The following RSPO2 variants were observed in gnomAD, a reference collection of about 807,000 sequenced individuals.
The protein encoded by RSPO2 is R-spondin-2.
In RSPO2, 14 loss-of-function variants were observed where a neutral mutation model predicts 30.9. That is an observed-to-expected ratio of 0.45 (90% CI 0.30 to 0.71). The LOEUF (loss-of-function observed/expected upper bound fraction) is 0.71, where lower values mean the gene tolerates loss of function less well. Ranked by LOEUF, RSPO2 falls within the 30% of genes least tolerant of loss-of-function variation. RSPO2 has a pLI of 0.08. For missense variants in RSPO2, 264 were observed against 301.9 expected, an observed-to-expected ratio of 0.87 and a Z score of 0.93; for synonymous variants, 107 against 96.4, an observed-to-expected ratio of 1.11 and a Z score of -0.64.
At chr8:108,060,251 G>C (rs1334402188) in intron 2 of RSPO2, among the ~76,000 whole-genome samples, 1 of 151,804 alleles carries the variant, frequency 6.6e-6, no homozygotes, top group Admixed American at 6.6e-5. Flanking sequence ...AAAGGAGGAA[G>C]TTCGAACCCA....
chr8:108,080,247 C>T (rs1238514524), intron 2 of RSPO2, among the ~76,000 whole-genome samples: 2 of 152,172 alleles, frequency 1.3e-5, no homozygotes, highest in East Asian at 3.8e-4. Flanking sequence ...ACAGTACACC[C>T]TTTGTTGGTA....
intron 2 of RSPO2, among the ~76,000 whole-genome samples, chr8:108,027,396 C>A (rs1811257886): frequency 6.6e-6 from 1 of 152,140 alleles, no homozygotes; most frequent in Non-Finnish European, 1.5e-5. Context: ...ATAAGATTTA[C>A]CCAGTGGGCT....
In RSPO2 at chr8:107,998,876, T is replaced by C. The variant is rs549603344; in HGVS notation, c.95-9632A>G. On this transcript the variant is annotated intron_variant, in intron 2 of 5. Transcript: ENST00000276659. Reference sequence around the variant, plus strand: ...CAGCCTGGCTAACATGGTGAAACCCTGTCTCTACTAAAAATACAAAATTAG... The same window carrying C: ...CAGCCTGGCTAACATGGTGAAACCCCGTCTCTACTAAAAATACAAAATTAG... Among the ~76,000 whole-genome samples the C allele has an allele frequency of 1.1e-4, 16 of 152,126 alleles. 1 individual carries two copies. The highest frequency in any genetic ancestry group is 3.3e-4 in the Admixed American group (5 of 15,288).
chr8:108,017,171 C>A (rs1563565428), intron 2 of RSPO2, among the ~76,000 whole-genome samples: 1 of 151,926 alleles, frequency 6.6e-6, no homozygotes, highest in Non-Finnish European at 1.5e-5. Context: ...CGCCCACCAC[C>A]ACACCCAGCT....
intron 2 of RSPO2, among the ~76,000 whole-genome samples, chr8:107,999,177 A>G (rs1815138403): frequency 6.6e-6 from 1 of 151,856 alleles, no homozygotes; most frequent in South Asian, 2.1e-4. Flanking sequence ...TGAGAAACTC[A>G]TATTAATTTA....
chr8:108,057,271 C>A (rs952520226), intron 2 of RSPO2, among the ~76,000 whole-genome samples: 1 of 151,788 alleles, frequency 6.6e-6, no homozygotes, highest in Non-Finnish European at 1.5e-5. Flanking sequence ...ATGACACAGG[C>A]ACTTTCAAAA....
At chr8:108,048,380 A>G (rs1164450057) in intron 2 of RSPO2, among the ~76,000 whole-genome samples, 2 of 151,686 alleles carry the variant, frequency 1.3e-5, no homozygotes, top group Non-Finnish European at 2.9e-5. Context: ...AACTAGATAG[A>G]ACAAAGTCAC....
At chr8:108,058,943 G>C (rs1365039090) in intron 2 of RSPO2, among the ~76,000 whole-genome samples, 2 of 151,568 alleles carry the variant, frequency 1.3e-5, no homozygotes, top group African/African-American at 4.9e-5. Flanking sequence ...CATGGGCAAG[G>C]ACTTCATGTC....
At chr8:107,908,573 T>C (rs1811726594) in intron 5 of RSPO2, among the ~76,000 whole-genome samples, 1 of 152,168 alleles carries the variant, frequency 6.6e-6, no homozygotes, top group Non-Finnish European at 1.5e-5. Context: ...GAGATGGTTT[T>C]TTAAAACAAT....
At chr8:107,965,299 G>A (rs1418971157) in intron 3 of RSPO2, among the ~76,000 whole-genome samples, 2 of 152,150 alleles carry the variant, frequency 1.3e-5, no homozygotes, top group South Asian at 2.1e-4. Context: ...ACAGTCTGAT[G>A]GGGCTGTCAT....
chr8:108,046,958 T>C (rs1811924080), intron 2 of RSPO2, among the ~76,000 whole-genome samples: 1 of 152,104 alleles, frequency 6.6e-6, no homozygotes. Context: ...ATTCCAAGTA[T>C]CTGAAGTGGG....
At chr8:107,983,148 T>C in intron 3 of RSPO2, 2 of 1,504,426 alleles carry the variant, frequency 1.3e-6, no homozygotes. Context: ...TCAACCTGGC[T>C]CATCAACAGA....
intron 4 of RSPO2, among the ~76,000 whole-genome samples, chr8:107,958,699 T>C (rs1181243200): frequency 6.6e-6 from 1 of 152,126 alleles, no homozygotes; most frequent in Non-Finnish European, 1.5e-5. Flanking sequence ...CCTCCCCGCA[T>C]CGCCCCCATT....
At chr8:108,022,596 T>A (rs1811089799) in intron 2 of RSPO2, among the ~76,000 whole-genome samples, 1 of 152,154 alleles carries the variant, frequency 6.6e-6, no homozygotes, top group Admixed American at 6.5e-5. Flanking sequence ...TATCAAAACA[T>A]GTTGAACATC....
chr8:107,974,633 C>T (rs1053306406), intron 3 of RSPO2, among the ~76,000 whole-genome samples: 1 of 151,976 alleles, frequency 6.6e-6, no homozygotes, highest in Non-Finnish European at 1.5e-5. Flanking sequence ...TGGAGAAATA[C>T]TACCTTTGTA....
rs145708896 is a variant in RSPO2, at chr8:107,943,214, C to T, written c.616+14866G>A. Among the ~76,000 whole-genome samples the T allele has an allele frequency of 3.4e-3, 512 of 152,224 alleles. 20 individuals are homozygous for T. In the South Asian group the frequency reaches 0.081, roughly 24 times the overall value. On this transcript the variant is annotated intron_variant, in intron 5 of 5. Transcript: ENST00000276659. ...TCCCCACACCATGCACACATGCGTG[C>T]GTGCGCGCGCACACACAGACACACA...
intron 2 of RSPO2, among the ~76,000 whole-genome samples, chr8:108,036,579 C>T (rs1160259657): frequency 3.3e-5 from 5 of 152,200 alleles, no homozygotes; most frequent in Non-Finnish European, 7.3e-5. Flanking sequence ...ATTTGTCCCA[C>T]AAGTTTGAAC....
At chr8:108,042,874 T>G (rs1006393635) in intron 2 of RSPO2, among the ~76,000 whole-genome samples, 1 of 152,080 alleles carries the variant, frequency 6.6e-6, no homozygotes, top group African/African-American at 2.4e-5. Flanking sequence ...CTTCACATGA[T>G]AGCTGTAAGA....
At chr8:108,058,034 G>C (rs998411117) in intron 2 of RSPO2, among the ~76,000 whole-genome samples, 8 of 152,108 alleles carry the variant, frequency 5.3e-5, no homozygotes, top group Admixed American at 1.3e-4. Context: ...TGGTGAGAGA[G>C]GGCATCCCTG....
Sources: gnomAD v4.1 joint callset for allele counts (sites outside exome capture counted in the v4.1 genomes callset) on GRCh38, gnomAD v4.1.1 for gene constraint, MANE v1.5 for transcripts, NCBI Gene and HGNC (gene_info 2026-07-23, HGNC 2026-07-21) for gene names.